The following NBPF15 variants were observed in gnomAD, a reference collection of about 807,000 sequenced individuals.
NBPF15 encodes NBPF family member NBPF15.
A neutral mutation model predicts 62.2 loss-of-function variants in NBPF15; 74 were observed. That is an observed-to-expected ratio of 1.19 (90% CI 0.99 to 1.44). The LOEUF (loss-of-function observed/expected upper bound fraction) is 1.44. NBPF15 is among the 40% of genes most tolerant of loss of function. NBPF15 has a pLI of 0.00. For missense variants in NBPF15, 790 were observed against 550.0 expected, an observed-to-expected ratio of 1.44 and a Z score of -4.36; for synonymous variants, 244 against 209.7, an observed-to-expected ratio of 1.16 and a Z score of -1.41.
chr1:144,448,423 G>A (rs185358644), intron 6 of NBPF15, among the ~76,000 whole-genome samples: 1 of 152,144 alleles, frequency 6.6e-6, no homozygotes, highest in Non-Finnish European at 1.5e-5. Flanking sequence ...ATGACTATCT[G>A]TTTCATGGCC....
chr1:144,440,250 T>A lies in NBPF15; in HGVS notation c.-145A>T. ...TGAAAGCACTGTCAGTAGCGCAGAC[T>A]CTGATAAGAGTGAGGTAGATTGTGG... On this transcript the variant is annotated 5_prime_UTR_variant, in exon 7 of 22. Transcript: ENST00000581897. 1 of 1,515,256 alleles carries A rather than the reference T, an allele frequency of 6.6e-7. No individual in the cohort carries two copies. The allele number at this position is 1,515,256 out of a possible 1,614,324, so 93.9% of individuals were successfully genotyped here.
intron 1 of NBPF15, among the ~76,000 whole-genome samples, 151 bp downstream of exon 1, chr1:144,461,230 C>G (rs61812049): frequency 6.6e-6 from 1 of 152,046 alleles, no homozygotes; most frequent in Non-Finnish European, 1.5e-5. Context: ...CAGCGGCAAG[C>G]GAGGAATCCA....
At chr1:144,454,978 T>C (rs781897498) in intron 4 of NBPF15, among the ~76,000 whole-genome samples, 35 of 151,502 alleles carry the variant, frequency 2.3e-4, no homozygotes, top group Middle Eastern at 3.4e-3. Flanking sequence ...CAGTGCAGTG[T>C]GGTCTTTTTT....
chr1:144,451,443 C>G (rs1331058456), intron 4 of NBPF15, among the ~76,000 whole-genome samples: 2 of 151,230 alleles, frequency 1.3e-5, no homozygotes, highest in African/African-American at 4.9e-5. Context: ...AGCACAGACC[C>G]TTTACGGGTG....
chr1:144,438,403 T>C (rs1553541834), intron 8 of NBPF15, among the ~76,000 whole-genome samples: 1 of 152,012 alleles, frequency 6.6e-6, no homozygotes, highest in African/African-American at 2.4e-5. Flanking sequence ...GGGCATGAAG[T>C]AGTGATTTCT....
At chr1:144,446,869 C>T (rs1265460479) in intron 6 of NBPF15, among the ~76,000 whole-genome samples, 1 of 151,078 alleles carries the variant, frequency 6.6e-6, no homozygotes, top group Admixed American at 6.6e-5. Flanking sequence ...GGGATCCAAT[C>T]TCCCCTCAGT....
chr1:144,458,827 C>T (rs1465137398), intron 3 of NBPF15, among the ~76,000 whole-genome samples: 1 of 151,508 alleles, frequency 6.6e-6, no homozygotes, highest in Non-Finnish European at 1.5e-5. Context: ...ATTACTTGAG[C>T]CCAAGAGTTT....
At chr1:144,432,005 C>T (rs1365024329) in intron 13 of NBPF15, among the ~76,000 whole-genome samples, 1 of 151,634 alleles carries the variant, frequency 6.6e-6, no homozygotes, top group African/African-American at 2.4e-5. Context: ...TGGGTACACA[C>T]CCAGTAATGG....
intron 8 of NBPF15, among the ~76,000 whole-genome samples, chr1:144,438,984 A>G (rs1680825016): frequency 1.3e-5 from 2 of 151,120 alleles, no homozygotes; most frequent in African/African-American, 4.9e-5. Context: ...TTTATTTATC[A>G]TTATTATTAT....
At chr1:144,430,936 C>T (rs1553540117) in intron 13 of NBPF15, among the ~76,000 whole-genome samples, 1 of 151,982 alleles carries the variant, frequency 6.6e-6, no homozygotes, top group African/African-American at 2.4e-5. Context: ...CATGCACAAG[C>T]TTCAGTAGCC....
At chr1:144,458,983 T>G (rs1210220192) in intron 3 of NBPF15, among the ~76,000 whole-genome samples, 1 of 150,240 alleles carries the variant, frequency 6.7e-6, no homozygotes, top group Non-Finnish European at 1.5e-5. Context: ...GAGGTTGCAG[T>G]GAGCTGAGAT....
In NBPF15 at chr1:144,457,070, T is replaced by A. The variant is rs587688673; in HGVS notation, c.-700-265A>T. Among the ~76,000 whole-genome samples, 19 of 152,050 alleles carry A rather than the reference T, an allele frequency of 1.2e-4. No homozygotes were observed. In the South Asian group the frequency reaches 3.5e-3, roughly 28 times the overall value. On this transcript the variant is annotated intron_variant, in intron 3 of 21. Coordinates refer to ENST00000581897, the MANE Select transcript of NBPF15 (RefSeq NM_001385408.1). ...GGCACACACTTGTAGTCTCAGCTAC[T>A]CAGAAGGCTGAGGCAGGAGGATTCC...
At chr1:144,437,564 G>T (rs1293042601) in intron 9 of NBPF15, among the ~76,000 whole-genome samples, 1 of 151,026 alleles carries the variant, frequency 6.6e-6, no homozygotes, top group Non-Finnish European at 1.5e-5. Context: ...AACATTGATT[G>T]AGTGAAAGAA....
rs1553542239 is a variant in NBPF15, at chr1:144,439,844, G to A, written c.160C>T (p.Arg54Ter). 21 of 1,604,780 alleles carry A rather than the reference G, an allele frequency of 1.3e-5. No homozygotes were observed. The highest frequency in any genetic ancestry group is 6.7e-5 in the African/African-American group (5 of 74,666). ...TAGATCTTACTGTATTTCTTCTGTC[G>A]GTTGGCCAGGAAGCCGGCCAGTTGA... ...LTQLAGFLAN[R>*]QKKYKYEECK... The change falls in exon 8 of 22, where the codon CGA (arginine) becomes TGA (stop). Residue 54 changes from arginine to a stop codon, truncating the protein, a stop_gained. Transcript: ENST00000581897. LOFTEE classifies it high-confidence loss of function.
intron 15 of NBPF15, 68 bp from the exon 16 acceptor site, chr1:144,428,058 T>A: frequency 2.5e-6 from 2 of 786,004 alleles, no homozygotes; most frequent in South Asian, 2.7e-5. Flanking sequence ...CCAGCTAGAT[T>A]TCATGGCTAA....
rs1452920306 is a variant in NBPF15 at position 144,422,785 on chromosome 1, C to A, written c.*228G>T. On this transcript the variant is annotated 3_prime_UTR_variant, in exon 22 of 22. Transcript: ENST00000581897. ...AATTAAAATGTCTGACTGATCACTC[C>A]CGGCATGTTCTGCACAGTTATGTGA... is the stretch of plus-strand genomic sequence containing the variant. 3.3e-5 allele frequency: 36 copies of A among 1,082,668 alleles called. No homozygotes were observed. The highest frequency in any genetic ancestry group is 4.4e-5 in the Non-Finnish European group (34 of 764,920). 67.1% of individuals were successfully genotyped at this position (1,082,668 alleles called of 1,614,324 possible).
At chr1:144,432,519 G>A (rs1242240562) in intron 13 of NBPF15, among the ~76,000 whole-genome samples, 2 of 151,852 alleles carry the variant, frequency 1.3e-5, no homozygotes, top group African/African-American at 2.4e-5. Context: ...ATGGCAAATT[G>A]GATAAAGAGT....
At chr1:144,425,145 G>T (rs1287434807) in intron 19 of NBPF15, among the ~76,000 whole-genome samples, 3 of 144,460 alleles carry the variant, frequency 2.1e-5, no homozygotes, top group South Asian at 4.7e-4. Flanking sequence ...TCAGTGAATT[G>T]TCCAGGTGAC....
At chr1:144,438,297 C>A (rs1478423888) in intron 8 of NBPF15, among the ~76,000 whole-genome samples, 11 of 147,166 alleles carry the variant, frequency 7.5e-5, no homozygotes, top group South Asian at 4.2e-4. Flanking sequence ...TCAACCACAA[C>A]AAAGTGGAGT....
Sources: gnomAD v4.1 joint callset for allele counts (sites outside exome capture counted in the v4.1 genomes callset) on GRCh38, gnomAD v4.1.1 for gene constraint, MANE v1.5 for transcripts, NCBI Gene and HGNC (gene_info 2026-07-23, HGNC 2026-07-21) for gene names.